The following TANC1 variants were observed in gnomAD, a reference collection of about 807,000 sequenced individuals.
TANC1 encodes the protein tetratricopeptide repeat, ankyrin repeat and coiled-coil containing 1.
In TANC1, 77 loss-of-function variants were observed where a neutral mutation model predicts 149.7. That is an observed-to-expected ratio of 0.51 (90% CI 0.43 to 0.62). TANC1 has a LOEUF of 0.62. TANC1 is among the 20% of genes least tolerant of loss of function. The pLI, the probability that TANC1 is intolerant of heterozygous loss-of-function variation, is 0.00. For synonymous variants in TANC1, 854 were observed against 925.0 expected (o/e 0.92, Z 1.39); for missense variants, 1,985 against 2,321.8 (o/e 0.85, Z 2.98).
At chr2:159,035,720 G>A (rs2040135117) in intron 2 of TANC1, among the ~76,000 whole-genome samples, 1 of 152,158 alleles carries the variant, frequency 6.6e-6, no homozygotes, top group South Asian at 2.1e-4. Context: ...AAAACAGGCT[G>A]GAGGGACAGT....
In TANC1 at chr2:159,001,684, T is replaced by A. The variant is rs903559562; in HGVS notation, c.-16+495T>A. Among the ~76,000 whole-genome samples the A allele has an allele frequency of 1.3e-5, 2 of 152,216 alleles. No individual in the cohort carries two copies. Among genetic ancestry groups the A allele is most frequent in the Non-Finnish European group, 2.9e-5 (2 of 68,040 alleles). ...GTGTATTTTCATTTAATCCTCACTT[T>A]CAGAGATGAGGTAAACTCTGCTGTA... is the stretch of plus-strand genomic sequence containing the variant. On this transcript the variant is annotated intron_variant, in intron 2 of 26. Transcript: ENST00000263635. This position sits in a 1 kb window ranked among gnomAD's most constrained non-coding sequence, Gnocchi z 4.3.
intron 17 of TANC1, among the ~76,000 whole-genome samples, chr2:159,196,353 G>T (rs2057848413): frequency 6.6e-6 from 1 of 152,226 alleles, no homozygotes; most frequent in Non-Finnish European, 1.5e-5. Flanking sequence ...GTAGTTTGCT[G>T]CAGGGACATG....
intron 3 of TANC1, among the ~76,000 whole-genome samples, chr2:159,094,679 G>A (rs2045900549): frequency 6.6e-6 from 1 of 151,626 alleles, no homozygotes; most frequent in African/African-American, 2.4e-5. Context: ...CATGCACAGT[G>A]CTATAAGACT....
chr2:159,078,006 G>T (rs2043871116), intron 3 of TANC1, among the ~76,000 whole-genome samples: 1 of 152,008 alleles, frequency 6.6e-6, no homozygotes, highest in Non-Finnish European at 1.5e-5. Flanking sequence ...AATTGTGTCT[G>T]TTTTTAATTA....
At chr2:159,145,272 A>G (rs546130078) in intron 5 of TANC1, among the ~76,000 whole-genome samples, 7 of 152,370 alleles carry the variant, frequency 4.6e-5, no homozygotes, top group East Asian at 1.9e-4. Flanking sequence ...AAGACATACA[A>G]GCACACTTGA....
At chr2:159,159,226 G>T (rs1351066237) in intron 7 of TANC1, among the ~76,000 whole-genome samples, 1 of 152,042 alleles carries the variant, frequency 6.6e-6, no homozygotes, top group Non-Finnish European at 1.5e-5. Flanking sequence ...TGGGTGGATT[G>T]CTTGAGCTCA....
intron 2 of TANC1, among the ~76,000 whole-genome samples, chr2:159,015,615 C>T (rs1273831304): frequency 1.3e-5 from 2 of 152,220 alleles, no homozygotes; most frequent in Non-Finnish European, 2.9e-5. Context: ...CTTAGATGCT[C>T]TGCTTCCCTT....
intron 12 of TANC1, among the ~76,000 whole-genome samples, chr2:159,176,001 G>T (rs1199890727): frequency 1.3e-5 from 2 of 152,160 alleles, no homozygotes; most frequent in African/African-American, 2.4e-5. Context: ...CTCATGGGGG[G>T]ACCTAGTGAC....
chr2:159,185,061 G>T (rs1420261668), intron 14 of TANC1, among the ~76,000 whole-genome samples: 1 of 152,186 alleles, frequency 6.6e-6, no homozygotes, highest in Non-Finnish European at 1.5e-5. Context: ...ACAACTACCT[G>T]CTTTTCCCCA....
intron 14 of TANC1, among the ~76,000 whole-genome samples, chr2:159,180,961 A>G (rs953150064): frequency 9.9e-5 from 15 of 152,182 alleles, no homozygotes; most frequent in Admixed American, 9.2e-4. Context: ...AGGTGATTTT[A>G]AAACATGGTG....
At position 159,176,417 on chromosome 2, in the gene TANC1, A is replaced by G; in HGVS notation, c.1801A>G (p.Lys601Glu). 1 of 1,584,040 alleles carries G rather than the reference A, an allele frequency of 6.3e-7. No homozygotes were observed. The highest frequency in any genetic ancestry group is 2.3e-5 in the East Asian group (1 of 43,960). Residue 601 changes from lysine to glutamate, a missense_variant, in exon 13 of 27, where the codon AAA (lysine) becomes GAA (glutamate). By Grantham distance (56) the Lys-to-Glu change is moderately conservative (BLOSUM62 1). Transcript: ENST00000263635. ...IDGLNEAEFHKPDYGDTLSSF... is the reference protein window; with the variant it reads ...IDGLNEAEFHEPDYGDTLSSF... ...TGGCTTAAATGAAGCTGAGTTTCAT[A>G]AACCTGATTATGGAGATACGCTTTC...
At chr2:159,048,805 G>GT (rs1459565775) in intron 2 of TANC1, among the ~76,000 whole-genome samples, 3 of 152,166 alleles carry the variant, frequency 2.0e-5, no homozygotes, top group Admixed American at 6.5e-5. Flanking sequence ...GTCTACTGAA[G>GT]TTTTTTGTAG....
intron 21 of TANC1, 150 bp from the exon 22 acceptor site, chr2:159,219,542 C>A: frequency 2.4e-6 from 3 of 1,255,822 alleles, no homozygotes; most frequent in Admixed American, 1.9e-5. Flanking sequence ...CAGCGATGAC[C>A]ATTCTGCCAG....
intron 3 of TANC1, among the ~76,000 whole-genome samples, chr2:159,085,635 C>G (rs1451103574): frequency 6.6e-6 from 1 of 152,074 alleles, no homozygotes; most frequent in East Asian, 1.9e-4. Context: ...GCCTTTATTC[C>G]TGGTAGAAAG....
chr2:158,994,951 T>G (rs2035998576), intron 1 of TANC1, among the ~76,000 whole-genome samples: 1 of 152,228 alleles, frequency 6.6e-6, no homozygotes, highest in Non-Finnish European at 1.5e-5. Context: ...GAAACATCAC[T>G]CCAAAGTGGA....
At chr2:159,214,472 G>GC (rs2059216804) in intron 19 of TANC1, among the ~76,000 whole-genome samples, 1 of 152,138 alleles carries the variant, frequency 6.6e-6, no homozygotes, top group Non-Finnish European at 1.5e-5. Flanking sequence ...TGGTGCACAG[G>GC]CCCCCTGTGC....
intron 3 of TANC1, among the ~76,000 whole-genome samples, chr2:159,097,407 C>T (rs2046251398): frequency 6.6e-6 from 1 of 152,072 alleles, no homozygotes; most frequent in African/African-American, 2.4e-5. Flanking sequence ...GAAACCAGAT[C>T]AGTTAGGGTA....
chr2:159,094,066 CCTT>C (rs1476246226), intron 3 of TANC1, among the ~76,000 whole-genome samples: 4 of 152,114 alleles, frequency 2.6e-5, no homozygotes, highest in Admixed American at 1.3e-4. Flanking sequence ...TGTATTTCTC[CCTT>C]CTTTTGTGTC....
At chr2:159,100,985 C>G (rs1426939449) in intron 4 of TANC1, among the ~76,000 whole-genome samples, 5 of 152,124 alleles carry the variant, frequency 3.3e-5, no homozygotes, top group African/African-American at 1.2e-4. Flanking sequence ...TACAGTGTGT[C>G]TGCAGCACCC....
Sources: allele counts gnomAD v4.1 joint callset (sites outside exome capture counted in the v4.1 genomes callset), GRCh38; gene constraint gnomAD v4.1.1; non-coding constraint Gnocchi (gnomAD v3.1); transcripts MANE v1.5; gene names NCBI Gene and HGNC (gene_info 2026-07-23, HGNC 2026-07-21).